The following ZNF385D variants were observed in gnomAD, a reference collection of about 807,000 sequenced individuals.
ZNF385D encodes the protein zinc finger protein 385D.
In ZNF385D, 15 loss-of-function variants were observed where a neutral mutation model predicts 35.8. That is an observed-to-expected ratio of 0.42 (90% CI 0.28 to 0.64). ZNF385D has a LOEUF of 0.64. Ranked by LOEUF, ZNF385D falls within the 30% of genes least tolerant of loss-of-function variation. The pLI is 0.23. For missense variants in ZNF385D, 474 were observed against 494.6 expected, an observed-to-expected ratio of 0.96 and a Z score of 0.39; for synonymous variants, 212 against 186.8, an observed-to-expected ratio of 1.13 and a Z score of -1.10.
At chr3:22,184,302 T>C (rs1367184810) in intron 2 of ZNF385D, among the ~76,000 whole-genome samples, 2 of 152,178 alleles carry the variant, frequency 1.3e-5, no homozygotes, top group African/African-American at 4.8e-5. Context: ...ATTATTGACG[T>C]CAGGGCAACA....
chr3:22,276,854 G>A (rs1701456028), intron 2 of ZNF385D, among the ~76,000 whole-genome samples: 1 of 152,030 alleles, frequency 6.6e-6, no homozygotes, highest in Non-Finnish European at 1.5e-5. Flanking sequence ...TACAATTTTA[G>A]TTTCTTTTCC....
intron 2 of ZNF385D, among the ~76,000 whole-genome samples, chr3:21,565,175 CT>C (rs2063100319): frequency 6.6e-6 from 1 of 151,888 alleles, no homozygotes. Flanking sequence ...ACAAGTCCTG[CT>C]TTCCAATAAT....
At chr3:21,424,275 T>TTATATATATACTATTATATATATATTTA (rs1700882551) in intron 6 of ZNF385D, among the ~76,000 whole-genome samples, 2 of 79,792 alleles carry the variant, frequency 2.5e-5, no homozygotes, top group African/African-American at 8.2e-5. Flanking sequence ...ATATATACTA[T>TTATATATATACTATTATATATATATTTA]TATATATATA....
chr3:22,271,790 T>A (rs149052393), intron 2 of ZNF385D, among the ~76,000 whole-genome samples: 83 of 152,132 alleles, frequency 5.5e-4, no homozygotes, highest in Non-Finnish European at 1.1e-3. Context: ...GTTAGCCTTT[T>A]TATAAGTTCT....
At chr3:22,110,412 G>C (rs1264663096) in intron 3 of ZNF385D, among the ~76,000 whole-genome samples, 2 of 152,026 alleles carry the variant, frequency 1.3e-5, no homozygotes, top group African/African-American at 4.8e-5. Context: ...TGATAGACTG[G>C]ATTAAGAAAA....
intron 3 of ZNF385D, among the ~76,000 whole-genome samples, chr3:21,893,642 A>G (rs561739487): frequency 1.3e-5 from 2 of 152,320 alleles, no homozygotes; most frequent in South Asian, 4.1e-4. Context: ...TTGAAATTCT[A>G]GCCATGCCAA....
intron 2 of ZNF385D, among the ~76,000 whole-genome samples, chr3:22,184,968 C>T (rs938629492): frequency 6.6e-6 from 1 of 151,688 alleles, no homozygotes; most frequent in African/African-American, 2.4e-5. Context: ...CCTGCCTTGT[C>T]CTGAGTTTTT....
At chr3:21,684,814 A>G (rs1407711736) in intron 1 of ZNF385D, among the ~76,000 whole-genome samples, 2 of 152,172 alleles carry the variant, frequency 1.3e-5, no homozygotes, top group Non-Finnish European at 2.9e-5. Context: ...TCACATTTTT[A>G]AGAGCCTACT....
At chr3:22,012,550 T>C (rs1033210087) in intron 3 of ZNF385D, among the ~76,000 whole-genome samples, 15 of 152,120 alleles carry the variant, frequency 9.9e-5, no homozygotes, top group African/African-American at 3.6e-4. Flanking sequence ...TACCCCTAGA[T>C]TGTAGTCTAA....
At chr3:21,767,179 T>G (rs2125600740) in intron 3 of ZNF385D, among the ~76,000 whole-genome samples, 1 of 150,978 alleles carries the variant, frequency 6.6e-6, no homozygotes, top group Non-Finnish European at 1.5e-5. Context: ...AAATCACAGA[T>G]CTTAGAGAAA....
At chr3:21,986,462 A>G (rs1576088824) in intron 3 of ZNF385D, among the ~76,000 whole-genome samples, 1 of 113,222 alleles carries the variant, frequency 8.8e-6, no homozygotes, top group Non-Finnish European at 1.7e-5. Flanking sequence ...TTCAGTTTCC[A>G]TGTAGTTGAG....
chr3:21,907,681 C>A (rs746020613), intron 3 of ZNF385D, among the ~76,000 whole-genome samples: 2 of 152,104 alleles, frequency 1.3e-5, no homozygotes, highest in African/African-American at 4.8e-5. Flanking sequence ...CTAAAGGTTA[C>A]TCATCCACCA....
At chr3:21,567,787 T>C (rs2063201497) in intron 2 of ZNF385D, among the ~76,000 whole-genome samples, 1 of 152,156 alleles carries the variant, frequency 6.6e-6, no homozygotes, top group African/African-American at 2.4e-5. Context: ...TCTCCGAAAA[T>C]ACATACTGCT....
Position 21,719,249 on chromosome 3 carries a change from G to A in ZNF385D, c.22+31646C>T, listed in dbSNP as rs571236103. On this transcript the variant is annotated intron_variant, in intron 1 of 7. Coordinates refer to ENST00000281523, the MANE Select transcript of ZNF385D (RefSeq NM_024697.3). ...CCTCAATCAGCATCAGATCCCAGGT[G>A]GTCACGTTATGTACTTGTTACTAAA... is the stretch of plus-strand genomic sequence containing the variant. Among the ~76,000 whole-genome samples the A allele has an allele frequency of 1.1e-4, 16 of 152,248 alleles. No homozygotes were observed. The South Asian group carries it at 3.3e-3, about 32-fold the overall frequency.
At chr3:21,722,829 T>C (rs1024261920) in intron 1 of ZNF385D, among the ~76,000 whole-genome samples, 2 of 152,176 alleles carry the variant, frequency 1.3e-5, no homozygotes, top group Non-Finnish European at 2.9e-5. Flanking sequence ...GTATCTACAG[T>C]ATATTTGGTT....
Position 21,776,063 on chromosome 3 carries a change from T to C in ZNF385D, c.326-111035A>G, listed in dbSNP as rs111303335. ...CTTTGTATTTCAAATTTTTTGTATA[T>C]TATACAATCAAAATCTTCTGTCATT... On this transcript the variant is annotated intron_variant, in intron 3 of 5. Coordinates refer to the ZNF385D transcript ENST00000494108. Among the ~76,000 whole-genome samples, 893 of 151,918 alleles carry C rather than the reference T, an allele frequency of 5.9e-3. 14 individuals are homozygous for C. The highest frequency in any genetic ancestry group is 0.021 in the African/African-American group (864 of 41,530).
intron 3 of ZNF385D, among the ~76,000 whole-genome samples, chr3:22,131,835 C>T (rs1009729017): frequency 2.0e-5 from 3 of 152,164 alleles, no homozygotes; most frequent in African/African-American, 7.2e-5. Flanking sequence ...ATGAAAGAAT[C>T]ATCCAGTGGG....
chr3:21,977,264 T>C (rs62248370), intron 3 of ZNF385D, among the ~76,000 whole-genome samples: 1,542 of 152,174 alleles, frequency 0.01, 32 homozygotes, highest in African/African-American at 0.034. Context: ...TGGAAATCCA[T>C]TGAACTGTAC....
At chr3:22,252,362 G>T (rs1444213613) in intron 2 of ZNF385D, among the ~76,000 whole-genome samples, 4 of 151,940 alleles carry the variant, frequency 2.6e-5, no homozygotes, top group Admixed American at 1.3e-4. Context: ...ATCGATTGTT[G>T]TGTGGGGGAA....
Sources: allele counts gnomAD v4.1 joint callset (sites outside exome capture counted in the v4.1 genomes callset), GRCh38; gene constraint gnomAD v4.1.1; transcripts MANE v1.5; gene names NCBI Gene and HGNC (gene_info 2026-07-23, HGNC 2026-07-21).